Variants in MCF2 observed in about 807,000 individuals in gnomAD.
The protein encoded by MCF2 is proto-oncogene DBL.
A neutral mutation model predicts 82.5 loss-of-function variants in MCF2; 44 were observed. The observed-to-expected ratio is 0.53, with a 90% CI of 0.42 to 0.69. The LOEUF (loss-of-function observed/expected upper bound fraction) is 0.69. Ranked by LOEUF, MCF2 falls within the 30% of genes least tolerant of loss-of-function variation. The pLI, the probability that MCF2 is intolerant of heterozygous loss-of-function variation, is 0.00. For missense variants in MCF2, 623 were observed against 663.1 expected (o/e 0.94, Z 0.66); for synonymous variants, 217 against 224.9 (o/e 0.96, Z 0.32).
chrX:139,639,786 T>G (rs1015835080), intron 1 of MCF2, among the ~76,000 whole-genome samples: 4 of 112,147 alleles, frequency 3.6e-5, no homozygotes, highest in African/African-American at 1.3e-4. Context: ...TTCTAGAATG[T>G]TTAAAGTAAC....
chrX:139,632,513 A>G, intron 1 of MCF2, 59 bp from the exon 5 acceptor site: 3 of 994,759 alleles, frequency 3.0e-6, no homozygotes, highest in Non-Finnish European at 4.1e-6. Context: ...CACTCAACTG[A>G]GCACATATCA....
intron 1 of MCF2, among the ~76,000 whole-genome samples, chrX:139,665,988 CAT>C (rs1247832108): frequency 1.0e-5 from 1 of 99,379 alleles, no homozygotes; most frequent in Non-Finnish European, 2.0e-5. Flanking sequence ...TACACACACA[CAT>C]ACACACACAC....
intron 1 of MCF2, among the ~76,000 whole-genome samples, chrX:139,694,832 A>AT (rs1257211015): frequency 1.8e-5 from 2 of 109,914 alleles, no homozygotes; most frequent in Admixed American, 9.7e-5. Context: ...GATTTTATGG[A>AT]TTTTTTATCC....
chrX:139,585,593 C>T (rs1163789433), intron 23 of MCF2, among the ~76,000 whole-genome samples: 1 of 112,093 alleles, frequency 8.9e-6, no homozygotes, highest in Non-Finnish European at 1.9e-5. Context: ...GTATCAGGCA[C>T]TCTGTTAGGC....
At chrX:139,590,062 GA>G in intron 19 of MCF2, 135 bp from the exon 24 acceptor site, 1 of 419,382 alleles carries the variant, frequency 2.4e-6, no homozygotes, top group Non-Finnish European at 4.1e-6. Context: ...AAATGAATAT[GA>G]AATAGTAATT....
chrX:139,597,585 C>T (rs760165023), exon 18 of MCF2: 2 of 1,139,970 alleles, frequency 1.8e-6, no homozygotes, highest in Non-Finnish European at 2.4e-6. Context: ...TTTAATAGCT[C>T]CTGTAATTAG....
chrX:139,671,014 GT>G (rs1359096975), intron 1 of MCF2, among the ~76,000 whole-genome samples: 2 of 111,781 alleles, frequency 1.8e-5, no homozygotes, highest in Non-Finnish European at 3.8e-5. Flanking sequence ...TCTAATGGGT[GT>G]GAGATGGTAT....
Position 139,582,628 on chromosome X carries a change from T to C in MCF2, c.2746-125A>G. 9.0e-6 allele frequency: 4 copies of C among 446,039 alleles called. No homozygotes were observed. In the South Asian group the frequency reaches 1.8e-4, roughly 20 times the overall value. The allele number at this position is 446,039 out of a possible 1,213,427, so 36.8% of individuals were successfully genotyped here. On this transcript the variant is annotated intron_variant, in intron 24 of 24. Coordinates refer to ENST00000370576, the Ensembl canonical transcript of MCF2. ...GGGTGTATGGAATACATTGTGTTGC[T>C]CTTTTATATGTTTTCCTTAGTAGCA... is the stretch of plus-strand genomic sequence containing the variant.
chrX:139,667,109 C>T (rs960713200), intron 1 of MCF2, among the ~76,000 whole-genome samples: 22 of 110,515 alleles, frequency 2.0e-4, no homozygotes, highest in Non-Finnish European at 4.0e-4. Context: ...CTCATTCATA[C>T]CCTGATTGTT....
At chrX:139,654,199 G>A (rs772562704) in intron 1 of MCF2, among the ~76,000 whole-genome samples, 11 of 110,895 alleles carry the variant, frequency 9.9e-5, no homozygotes, top group East Asian at 2.8e-4. Flanking sequence ...TCTATTTTTC[G>A]TTTTTTGCAA....
Position 139,624,686 on chromosome X carries a change from T to G in MCF2, c.687+1507A>C, listed in dbSNP as rs963588885. The stretch of plus-strand genomic sequence containing the variant: ...ATAGGATCCGATTCTGAAGGAAAAA[T>G]AAATGCTATAAAAGACTTGACTGAG... On this transcript the variant is annotated intron_variant, in intron 6 of 24. Transcript: ENST00000370576. 2.2e-4 allele frequency among the ~76,000 whole-genome samples: 25 copies of G among 111,166 alleles called. No homozygotes were observed. In the East Asian group the frequency reaches 6.6e-3, roughly 29 times the overall value.
At chrX:139,650,978 T>C (rs145339964) in intron 2 of MCF2, among the ~76,000 whole-genome samples, 2,705 of 111,206 alleles carry the variant, frequency 0.024, 66 homozygotes, top group African/African-American at 0.084. Context: ...CCTAAGATAG[T>C]CAAATTCATA....
rs370353287 is a variant in MCF2 at position 139,600,473 on chromosome X, A to G, written c.1836+1933T>C. Among the ~76,000 whole-genome samples the G allele has an allele frequency of 8.1e-5, 9 of 111,192 alleles. No homozygotes were observed. The East Asian group carries it at 2.6e-3, about 32-fold the overall frequency. ...AAACACAGGCCCTATGGACCAAAGGATACAAGGTTCAACTTAGGGCAGAGT... is the reference window on the plus strand; with the variant it reads ...AAACACAGGCCCTATGGACCAAAGGGTACAAGGTTCAACTTAGGGCAGAGT... On this transcript the variant is annotated intron_variant, in intron 16 of 24. Coordinates refer to ENST00000370576, the Ensembl canonical transcript of MCF2.
intron 1 of MCF2, among the ~76,000 whole-genome samples, chrX:139,705,633 C>T (rs1358725313): frequency 1.8e-5 from 2 of 112,274 alleles, no homozygotes; most frequent in Non-Finnish European, 3.8e-5. Flanking sequence ...CTAGGAAATA[C>T]TCTTTTCGAC....
Position 139,642,697 on chromosome X carries a change from A to C in MCF2, c.-179T>G, listed in dbSNP as rs1165363086. ...TGCTGGGGAGGAAAAAAAAAAAAAA[A>C]CCACTATCCCTGATTAGTCAGCTGA... On this transcript the variant is annotated 5_prime_UTR_variant, in exon 1 of 25. Transcript: ENST00000370576. 2.7e-4 allele frequency: 292 copies of C among 1,081,119 alleles called. 1 individual carries two copies. Among genetic ancestry groups the C allele is most frequent in the Non-Finnish European group, 3.2e-4 (269 of 838,416 alleles). 89.1% of individuals were successfully genotyped at this position (1,081,119 alleles called of 1,213,427 possible). A position where few individuals can be genotyped will look rare whatever the true frequency, so the allele number is the denominator to read the frequency against.
chrX:139,650,733 A>G (rs765939182), intron 2 of MCF2, among the ~76,000 whole-genome samples: 1 of 112,315 alleles, frequency 8.9e-6, no homozygotes, highest in African/African-American at 3.2e-5. Flanking sequence ...AAAAATGGGT[A>G]ATGCTATTTA....
chrX:139,598,697 T>A (rs759524931), intron 16 of MCF2, among the ~76,000 whole-genome samples, 199 bp from the exon 21 acceptor site: 1 of 111,827 alleles, frequency 8.9e-6, no homozygotes, highest in Non-Finnish European at 1.9e-5. Flanking sequence ...TTTCAAGGAT[T>A]GGAGAGGTAA....
intron 1 of MCF2, among the ~76,000 whole-genome samples, chrX:139,664,395 T>C (rs144473717): frequency 0.04 from 4,542 of 112,347 alleles, 236 homozygotes; most frequent in African/African-American, 0.14. Flanking sequence ...TCACCTTTGG[T>C]TTCCATTTAC....
At chrX:139,654,535 G>T (rs1434062724) in intron 1 of MCF2, among the ~76,000 whole-genome samples, 1 of 111,679 alleles carries the variant, frequency 9.0e-6, no homozygotes, top group Non-Finnish European at 1.9e-5. Context: ...TATATTTTCT[G>T]GTTACTAATC....
Sources: gnomAD v4.1 joint callset for allele counts (sites outside exome capture counted in the v4.1 genomes callset) on GRCh38, gnomAD v4.1.1 for gene constraint, MANE v1.5 for transcripts, NCBI Gene and HGNC (gene_info 2026-07-23, HGNC 2026-07-21) for gene names.